The following ACSS2 variants were observed in gnomAD, a reference collection of about 807,000 sequenced individuals.
ACSS2 encodes the protein acetyl-coenzyme A synthetase, cytoplasmic.
In ACSS2, 58 loss-of-function variants were observed where a neutral mutation model predicts 90.6. The observed-to-expected ratio is 0.64, with a 90% CI of 0.52 to 0.80. The LOEUF (loss-of-function observed/expected upper bound fraction) is 0.80, where lower values mean the gene tolerates loss of function less well. ACSS2 is among the 30% of genes least tolerant of loss of function. The pLI is 0.00. For synonymous variants in ACSS2, 300 were observed against 330.9 expected (o/e 0.91, Z 1.01); for missense variants, 759 against 912.0 (o/e 0.83, Z 2.16).
rs199978236 is a variant in ACSS2, at chr20:34,913,531, G to A, written c.570+35G>A. The A allele has an allele frequency of 6.2e-5, 98 of 1,585,796 alleles. No homozygotes were observed. In the East Asian group the frequency reaches 1.4e-3, roughly 23 times the overall value. On this transcript the variant is annotated intron_variant, in intron 4 of 17. Coordinates refer to ENST00000360596, the MANE Select transcript of ACSS2 (RefSeq NM_018677.4). ...TGGGCTGGTGAAAAGGGGCAGGCGGGGGGGTGGGGCTCTGGAGAAGTAGGT... is the reference window on the plus strand; with the variant it reads ...TGGGCTGGTGAAAAGGGGCAGGCGGAGGGGTGGGGCTCTGGAGAAGTAGGT...
At chr20:34,918,534 C>T (rs552012294) in intron 7 of ACSS2, among the ~76,000 whole-genome samples, 1 of 152,306 alleles carries the variant, frequency 6.6e-6, no homozygotes, top group South Asian at 2.1e-4. Flanking sequence ...CCACCTTGGT[C>T]CTTCTTCACC....
chr20:34,876,873 G>T, intron 1 of ACSS2, 50 bp downstream of exon 1: 1 of 1,201,748 alleles, frequency 8.3e-7, no homozygotes, highest in Non-Finnish European at 1.0e-6. Context: ...AGAAGAGTGG[G>T]GGCTCCCTGG....
chr20:34,927,359 C>T lies in ACSS2; in HGVS notation c.*145C>T. 9.2e-7 allele frequency: 1 copy of T among 1,091,416 alleles called. No homozygotes were observed. Among genetic ancestry groups the T allele is most frequent in the Non-Finnish European group, 1.3e-6 (1 of 749,210 alleles). 67.6% of individuals were successfully genotyped at this position (1,091,416 alleles called of 1,614,324 possible). A position where few individuals can be genotyped will look rare whatever the true frequency, so the allele number is the denominator to read the frequency against. ...TGGGACCGGAAACCAGCTTTGTCTC[C>T]AGGTAGAGACAACATCCTGTGACTG... is the stretch of plus-strand genomic sequence containing the variant. On this transcript the variant is annotated 3_prime_UTR_variant, in exon 18 of 18. Coordinates refer to ENST00000360596, the MANE Select transcript of ACSS2 (RefSeq NM_018677.4). This position sits in a 1 kb window ranked among gnomAD's most constrained non-coding sequence, Gnocchi z 4.2.
chr20:34,924,889 G>C (rs1350121749), intron 14 of ACSS2, among the ~76,000 whole-genome samples: 1 of 151,354 alleles, frequency 6.6e-6, no homozygotes, highest in African/African-American at 2.4e-5. Flanking sequence ...TAGTAGAGAC[G>C]GGGTTTCACC....
intron 13 of ACSS2, chr20:34,922,317 T>C (rs8117491): frequency 0.66 from 102,907 of 155,344 alleles, 35,701 homozygotes; most frequent in African/African-American, 0.87. Context: ...TAAAGTGGTG[T>C]CTCTGGCCGG....
chr20:34,877,470 G>GT (rs1302368558), intron 1 of ACSS2, among the ~76,000 whole-genome samples: 1 of 152,168 alleles, frequency 6.6e-6, no homozygotes, highest in Non-Finnish European at 1.5e-5. Flanking sequence ...GGCTGGGATT[G>GT]TATTAGTAAT....
Position 34,923,410 on chromosome 20 carries a change from G to T in ACSS2, c.1636G>T (p.Gly546Ter). Reference sequence around the variant, plus strand: ...GACAACCTACTTTAAGAAGTTTCCTGGATACTATGTTACAGGAGATGGTGA... The same window carrying T: ...GACAACCTACTTTAAGAAGTTTCCTTGATACTATGTTACAGGAGATGGTGA... Reference protein sequence around the residue: ...FETTYFKKFPGYYVTGDGCQR... With the variant: ...FETTYFKKFP Residue 546 changes from glycine to a stop codon, truncating the protein, a stop_gained, in exon 14 of 18, where the codon GGA becomes TGA. Coordinates refer to ENST00000360596, the MANE Select transcript of ACSS2 (RefSeq NM_018677.4). LOFTEE classifies it high-confidence loss of function. 4 of 1,614,024 alleles carry T rather than the reference G, an allele frequency of 2.5e-6. No homozygotes were observed. The highest frequency in any genetic ancestry group is 3.4e-6 in the Non-Finnish European group (4 of 1,179,916).
chr20:34,897,911 G>C lies in ACSS2; in HGVS notation c.374+14922G>C, dbSNP rs185314203. ...CTGAATAATGTTGCATTGTATAACT[G>C]TATCACATTGTGTCCGGAATTGGTG... is the stretch of plus-strand genomic sequence containing the variant. On this transcript the variant is annotated intron_variant, in intron 2 of 17. Transcript: ENST00000360596. Among the ~76,000 whole-genome samples the C allele has an allele frequency of 1.3e-3, 203 of 152,188 alleles. 3 individuals are homozygous for C. The highest frequency in any genetic ancestry group is 4.7e-3 in the African/African-American group (196 of 41,484).
chr20:34,882,780 C>A lies in ACSS2; in HGVS notation c.179-14C>A, dbSNP rs1438263441. On this transcript the variant is annotated splice_polypyrimidine_tract_variant and intron_variant, in intron 1 of 17. Coordinates refer to ENST00000360596, the MANE Select transcript of ACSS2 (RefSeq NM_018677.4). ...AGAAGATTAATGATATCTGGGCTTC[C>A]ATTTCTGTTGCAGAATTCTGGGGAG... 1 of 1,611,008 alleles carries A rather than the reference C, an allele frequency of 6.2e-7. No individual in the cohort carries two copies. The highest frequency in any genetic ancestry group is 1.7e-5 in the Admixed American group (1 of 59,316).
At chr20:34,877,909 C>CAGATAGATAGATAGATAGATAGAT (rs71196766) in intron 1 of ACSS2, among the ~76,000 whole-genome samples, 1,854 of 146,620 alleles carry the variant, frequency 0.013, 14 homozygotes, top group Middle Eastern at 0.024. Context: ...GATAGATAGA[C>CAGATAGATAGATAGATAGATAGAT]AGATAGATAG....
At position 34,914,447 on chromosome 20, in the gene ACSS2, G is replaced by A. The variant is rs771823790; in HGVS notation, c.834+10G>A. The A allele has an allele frequency of 6.3e-7, 1 of 1,592,064 alleles. No individual in the cohort carries two copies. Among genetic ancestry groups the A allele is most frequent in the South Asian group, 1.1e-5 (1 of 87,598 alleles). On this transcript the variant is annotated intron_variant, in intron 7 of 17. Transcript: ENST00000360596. ...ATGCCCAGATGTGCAGGTGAGTCTG[G>A]CACTGCTATGCCTTTCTCCAGGCTC...
upstream of ACSS2, among the ~76,000 whole-genome samples, chr20:34,876,121 C>T (rs1283659187): frequency 6.6e-6 from 1 of 152,166 alleles, no homozygotes; most frequent in African/African-American, 2.4e-5. Context: ...GGACCTTACT[C>T]AACTCCTCTC....
chr20:34,926,336 C>A (rs2147112758), intron 16 of ACSS2, 55 bp downstream of exon 16: 1 of 1,572,106 alleles, frequency 6.4e-7, no homozygotes, highest in East Asian at 2.3e-5. Flanking sequence ...GCCCAGTTAT[C>A]ACTGCAAGTT....
At chr20:34,899,080 C>T (rs2080555344) in intron 2 of ACSS2, among the ~76,000 whole-genome samples, 1 of 152,174 alleles carries the variant, frequency 6.6e-6, no homozygotes, top group Non-Finnish European at 1.5e-5. Flanking sequence ...GCCGGCAGGG[C>T]CGGCCGGCTG....
intron 2 of ACSS2, among the ~76,000 whole-genome samples, chr20:34,908,158 G>A (rs1188385932): frequency 6.6e-6 from 1 of 152,214 alleles, no homozygotes; most frequent in Admixed American, 6.5e-5. Context: ...GATGGTGCTG[G>A]TGTCTGAAGG....
rs1016989277 is a variant in ACSS2 at position 34,917,808 on chromosome 20, A to G, written c.835-1627A>G. Among the ~76,000 whole-genome samples, 4 of 152,100 alleles carry G rather than the reference A, an allele frequency of 2.6e-5. No homozygotes were observed. In the East Asian group the frequency reaches 7.7e-4, roughly 29 times the overall value. ...CACTCTGTCGCTCAGGCTGAAGTACAGTGGTACGATCTCGGCTTACTGCAA... is the reference window on the plus strand; with the variant it reads ...CACTCTGTCGCTCAGGCTGAAGTACGGTGGTACGATCTCGGCTTACTGCAA... On this transcript the variant is annotated intron_variant, in intron 7 of 17. Transcript: ENST00000360596.
At chr20:34,899,734 G>A (rs991483671) in intron 2 of ACSS2, among the ~76,000 whole-genome samples, 7 of 151,790 alleles carry the variant, frequency 4.6e-5, no homozygotes, top group Admixed American at 3.3e-4. Context: ...TGATCCACCC[G>A]CCCCAGCCTC....
chr20:34,909,296 A>T (rs1160201695), intron 2 of ACSS2, among the ~76,000 whole-genome samples: 1 of 150,814 alleles, frequency 6.6e-6, no homozygotes, highest in Non-Finnish European at 1.5e-5. Flanking sequence ...TGAGTCTGGG[A>T]GGTTGAGGCT....
At chr20:34,882,482 C>T (rs2080090569) in intron 1 of ACSS2, among the ~76,000 whole-genome samples, 1 of 151,592 alleles carries the variant, frequency 6.6e-6, no homozygotes, top group Non-Finnish European at 1.5e-5. Flanking sequence ...ATTAGCCAGG[C>T]GTGGTGGCAC....
Sources: allele counts gnomAD v4.1 joint callset (sites outside exome capture counted in the v4.1 genomes callset), GRCh38; gene constraint gnomAD v4.1.1; non-coding constraint Gnocchi (gnomAD v3.1); transcripts MANE v1.5; gene names NCBI Gene and HGNC (gene_info 2026-07-23, HGNC 2026-07-21).